PALD1: variants seen among roughly 807,000 people sequenced by gnomAD.
The protein encoded by PALD1 is paladin.
In PALD1, 57 loss-of-function variants were observed where a neutral mutation model predicts 96.0. That is an observed-to-expected ratio of 0.59 (90% CI 0.48 to 0.74). The LOEUF (loss-of-function observed/expected upper bound fraction) is 0.74, where lower values mean the gene tolerates loss of function less well. Ranked by LOEUF, PALD1 falls within the 30% of genes least tolerant of loss-of-function variation. PALD1 has a pLI of 0.00. For missense variants in PALD1, 1,063 were observed against 1,143.7 expected (o/e 0.93, Z 1.02); for synonymous variants, 464 against 473.6 (o/e 0.98, Z 0.26).
chr10:70,560,534 C>G (rs1847716974), intron 18 of PALD1, among the ~76,000 whole-genome samples: 1 of 152,142 alleles, frequency 6.6e-6, no homozygotes, highest in African/African-American at 2.4e-5. Flanking sequence ...GTGTTAGGGT[C>G]TAATCCTCAG....
intron 10 of PALD1, among the ~76,000 whole-genome samples, chr10:70,536,918 AG>A (rs1476182657): frequency 2.0e-5 from 3 of 152,138 alleles, no homozygotes; most frequent in African/African-American, 7.2e-5. Context: ...CCCCATGCAG[AG>A]GAAGCTGGGC....
At position 70,486,209 on chromosome 10, in the gene PALD1, CT is replaced by C. The variant is rs796805815; in HGVS notation, c.-30+7164del. ...ACTGTTGAGGTATCAAAGTCAATAT[CT>C]TTTTTTTTTTTTTCTCTGAGGACTA... On this transcript the variant is annotated intron_variant, in intron 1 of 19. Transcript: ENST00000263563. The C allele has an allele frequency of 8.5e-3, 1,271 of 148,682 alleles. 2 individuals are homozygous for C. The highest frequency in any genetic ancestry group is 0.021 in the South Asian group (110 of 5,222). The allele number at this position is 148,682 out of a possible 1,614,324, so 9.2% of individuals were successfully genotyped here.
intron 18 of PALD1, among the ~76,000 whole-genome samples, chr10:70,549,219 C>T (rs1371977780): frequency 6.6e-6 from 1 of 152,146 alleles, no homozygotes; most frequent in East Asian, 1.9e-4. Flanking sequence ...TCACAATGGT[C>T]TTTTGGCAGC....
At chr10:70,531,737 C>G (rs1347459477) in intron 5 of PALD1, among the ~76,000 whole-genome samples, 2 of 152,062 alleles carry the variant, frequency 1.3e-5, no homozygotes, top group Non-Finnish European at 2.9e-5. Context: ...TGGCTTATAC[C>G]TGTAATTCCA....
At chr10:70,527,084 C>T (rs571686173) in intron 2 of PALD1, among the ~76,000 whole-genome samples, 3 of 152,310 alleles carry the variant, frequency 2.0e-5, no homozygotes, top group African/African-American at 7.2e-5. Context: ...GATATGGAGT[C>T]TCTGTACTGA....
intron 1 of PALD1, among the ~76,000 whole-genome samples, chr10:70,487,922 T>A (rs546247909): frequency 6.6e-6 from 1 of 152,326 alleles, no homozygotes; most frequent in South Asian, 2.1e-4. Flanking sequence ...CTACTTTCTG[T>A]CACTATGATT....
chr10:70,490,658 A>G (rs1846083282), intron 1 of PALD1, among the ~76,000 whole-genome samples: 2 of 152,248 alleles, frequency 1.3e-5, no homozygotes, highest in Non-Finnish European at 2.9e-5. Context: ...GAAGGATGTT[A>G]ACTGCACCTA....
At chr10:70,510,494 C>G (rs538129412) in intron 1 of PALD1, among the ~76,000 whole-genome samples, 2 of 152,180 alleles carry the variant, frequency 1.3e-5, no homozygotes, top group Non-Finnish European at 2.9e-5. Context: ...AAGGCATTTG[C>G]CCCCAACACC....
rs1245430535 is a variant in PALD1, at chr10:70,567,358, A to AGCC, written c.*626_*628dup. On this transcript the variant is annotated 3_prime_UTR_variant, in exon 20 of 20. Transcript: ENST00000263563. ...AGACTTCAGGAATGACAACCTACCCAGCCTGGTGGGGCTGGCAGGATGGTG... is the reference window on the plus strand; with the variant it reads ...AGACTTCAGGAATGACAACCTACCCAGCCGCCTGGTGGGGCTGGCAGGATGGTG... 2 of 152,726 alleles carry AGCC rather than the reference A, an allele frequency of 1.3e-5. No homozygotes were observed. The highest frequency in any genetic ancestry group is 2.9e-5 in the Non-Finnish European group (2 of 68,122). 9.5% of individuals were successfully genotyped at this position (152,726 alleles called of 1,614,324 possible). A position where few individuals can be genotyped will look rare whatever the true frequency, so the allele number is the denominator to read the frequency against.
rs1847385251 is a variant in PALD1, at chr10:70,547,271, T to G, written c.2122-35T>G. 5 of 1,609,170 alleles carry G rather than the reference T, an allele frequency of 3.1e-6. No homozygotes were observed. In the African/African-American group the frequency reaches 6.7e-5, roughly 21 times the overall value. ...TGCTTGGGCTGAGGGCTCTTACCAG[T>G]TTTATGTCTGCTCACCCCCCTTCTC... On this transcript the variant is annotated intron_variant, in intron 17 of 19. Transcript: ENST00000263563.
rs751401830 is a variant in PALD1 at position 70,538,280 on chromosome 10, T to C, written c.1324T>C (p.Tyr442His). 1 of 1,601,536 alleles carries C rather than the reference T, an allele frequency of 6.2e-7. No homozygotes were observed. The highest frequency in any genetic ancestry group is 8.5e-7 in the Non-Finnish European group (1 of 1,179,832). ...CTCGTCTCTCTGCCTCGGGCTGCAGTACCCGCTGGCCTTTGCCCTCAGTTT... is the reference window on the plus strand; with the variant it reads ...CTCGTCTCTCTGCCTCGGGCTGCAGCACCCGCTGGCCTTTGCCCTCAGTTT... ...ILFNYYLHEQYPLAFALSFSR... is the reference protein window; with the variant it reads ...ILFNYYLHEQHPLAFALSFSR... Residue 442 changes from tyrosine to histidine, a missense_variant and splice_region_variant, in exon 12 of 20, where the codon TAC (tyrosine) becomes CAC (histidine). Transcript: ENST00000263563.
chr10:70,557,930 C>CTTTTTTTTTTTTTTTT lies in PALD1; in HGVS notation c.2263-6429_2263-6414dup, dbSNP rs781513750. 1.1e-3 allele frequency among the ~76,000 whole-genome samples: 102 copies of CTTTTTTTTTTTTTTTT among 92,882 alleles called. 9 individuals carry two copies. Among genetic ancestry groups the CTTTTTTTTTTTTTTTT allele is most frequent in the African/African-American group, 3.7e-3 (94 of 25,082 alleles). The allele number at this position is 92,882 out of a possible 152,430, so 60.9% of individuals were successfully genotyped here. A position where few individuals can be genotyped will look rare whatever the true frequency, so the allele number is the denominator to read the frequency against. ...CTGAACCTGGCCTTGTTGGCTCTTC[C>CTTTTTTTTTTTTTTTT]TTTTTTTTTTTTTTTTTTTTAGAGA... On this transcript the variant is annotated intron_variant, in intron 18 of 19. Coordinates refer to ENST00000263563, the MANE Select transcript of PALD1 (RefSeq NM_014431.3).
At chr10:70,469,406 C>G in the PALD1 span, among the ~76,000 whole-genome samples, 1 of 149,724 alleles carries the variant, frequency 6.7e-6, no homozygotes, top group Non-Finnish European at 1.5e-5. Flanking sequence ...ACTGCTGGAC[C>G]GTGAATGCTT....
At chr10:70,470,267 G>GTATAGAATCAAT in the PALD1 span, among the ~76,000 whole-genome samples, 7 of 152,236 alleles carry the variant, frequency 4.6e-5, no homozygotes, top group Admixed American at 1.3e-4. Context: ...GACAATGGGT[G>GTATAGAATCAAT]TATAGAATCA....
upstream of PALD1, among the ~76,000 whole-genome samples, chr10:70,476,000 AAT>A: frequency 6.6e-6 from 1 of 152,328 alleles, no homozygotes; most frequent in East Asian, 1.9e-4. Context: ...GATCCCTGCA[AAT>A]ATGAGTTCAC....
At chr10:70,502,682 A>T (rs1039246506) in intron 1 of PALD1, among the ~76,000 whole-genome samples, 1 of 152,200 alleles carries the variant, frequency 6.6e-6, no homozygotes, top group Non-Finnish European at 1.5e-5. Flanking sequence ...CAAATACTAC[A>T]TGGTTCCATT....
chr10:70,464,589 A>G, the PALD1 span, among the ~76,000 whole-genome samples: 1 of 147,548 alleles, frequency 6.8e-6, no homozygotes, highest in South Asian at 2.1e-4. Context: ...CACTCATTTC[A>G]GTTGCTGGGG....
rs1554862626 is a variant in PALD1 at position 70,556,281 on chromosome 10, T to TCCCTCTCTCC, written c.2263-8082_2263-8081insCCTCTCTCCC. On this transcript the variant is annotated intron_variant, in intron 18 of 19. Transcript: ENST00000263563. ...GCACATGTTCTCAGTAGCCGAGACC[T>TCCCTCTCTCC]CTCTCTCTCTCTCTCTCTCTCTCTC... Among the ~76,000 whole-genome samples the TCCCTCTCTCC allele has an allele frequency of 5.0e-3, 678 of 136,594 alleles. 3 individuals are homozygous for TCCCTCTCTCC. The highest frequency in any genetic ancestry group is 0.014 in the African/African-American group (502 of 34,954). 89.6% of individuals were successfully genotyped at this position (136,594 alleles called of 152,430 possible). A position where few individuals can be genotyped will look rare whatever the true frequency, so the allele number is the denominator to read the frequency against.
chr10:70,529,741 A>G, intron 3 of PALD1, 148 bp from the exon 4 acceptor site: 2 of 628,588 alleles, frequency 3.2e-6, no homozygotes, highest in South Asian at 2.0e-5. Context: ...TGTTTTTTCC[A>G]TGAACTGCAG....
Sources: allele counts gnomAD v4.1 joint callset (sites outside exome capture counted in the v4.1 genomes callset), GRCh38; gene constraint gnomAD v4.1.1; transcripts MANE v1.5; gene names NCBI Gene and HGNC (gene_info 2026-07-23, HGNC 2026-07-21).